The following GNL3L variants were observed in gnomAD, a reference collection of about 807,000 sequenced individuals.
GNL3L encodes the protein guanine nucleotide-binding protein-like 3-like protein.
A neutral mutation model predicts 42.9 loss-of-function variants in GNL3L; 4 were observed. That is an observed-to-expected ratio of 0.09 (90% CI 0.05 to 0.21). The LOEUF (loss-of-function observed/expected upper bound fraction) is 0.21, where lower values mean the gene tolerates loss of function less well. Ranked by LOEUF, GNL3L falls within the 10% of genes least tolerant of loss-of-function variation. GNL3L has a pLI of 1.00. For missense variants in GNL3L, 412 were observed against 481.7 expected, an observed-to-expected ratio of 0.86 and a Z score of 1.36; for synonymous variants, 159 against 176.3, an observed-to-expected ratio of 0.90 and a Z score of 0.78.
Position 54,544,356 on chromosome X carries a change from C to T in GNL3L, c.630+30C>T, listed in dbSNP as rs772210901. 7 of 809,911 alleles carry T rather than the reference C, an allele frequency of 8.6e-6. No individual in the cohort carries two copies. The South Asian group carries it at 1.5e-4, about 18-fold the overall frequency. 66.7% of individuals were successfully genotyped at this position (809,911 alleles called of 1,213,427 possible). ...GCCTGGGGCTAGGGTCATCTAGCCG[C>T]TTTCAGGGTAGTTTGGGGCCAGAGC... On this transcript the variant is annotated intron_variant, in intron 8 of 15. Transcript: ENST00000360845.
chrX:54,606,980 TCTTTC>T (rs1557200453), intron 16 of GNL3L, among the ~76,000 whole-genome samples: 1 of 84,203 alleles, frequency 1.2e-5, no homozygotes, highest in African/African-American at 7.6e-5. Context: ...GATTTTTCTT[TCTTTC>T]CTTTCCTTTC....
intron 16 of GNL3L, among the ~76,000 whole-genome samples, chrX:54,592,488 A>G (rs188834466): frequency 1.8e-5 from 2 of 111,703 alleles, no homozygotes; most frequent in Non-Finnish European, 3.8e-5. Context: ...TGTTCCTTCT[A>G]TACCCAATTT....
At chrX:54,540,557 A>G (rs1450209653) in intron 4 of GNL3L, among the ~76,000 whole-genome samples, 1 of 111,983 alleles carries the variant, frequency 8.9e-6, no homozygotes, top group African/African-American at 3.2e-5. Context: ...ATTTGAGGCT[A>G]TGCTTTCTTT....
Position 54,562,719 on chromosome X carries a change from G to A in GNL3L, c.*2117G>A, listed in dbSNP as rs1925306782. On this transcript the variant is annotated 3_prime_UTR_variant, in exon 16 of 16. Transcript: ENST00000360845. Reference sequence around the variant, plus strand: ...GAGGCAGGAGAATCACTTGATCTCAGGAGGCGGAGGTTGCAGTGAGTCGAC... The same window carrying A: ...GAGGCAGGAGAATCACTTGATCTCAAGAGGCGGAGGTTGCAGTGAGTCGAC... Among the ~76,000 whole-genome samples the A allele has an allele frequency of 5.5e-5, 6 of 109,953 alleles. No homozygotes were observed. The South Asian group carries it at 2.4e-3, about 44-fold the overall frequency.
chrX:54,580,448 C>T (rs894434328), intron 16 of GNL3L, among the ~76,000 whole-genome samples: 1 of 110,353 alleles, frequency 9.1e-6, no homozygotes, highest in Non-Finnish European at 1.9e-5. Flanking sequence ...TGAATAGTGC[C>T]GCAATAAACA....
At chrX:54,569,762 T>C (rs973387296), downstream of GNL3L, among the ~76,000 whole-genome samples, 3 of 112,313 alleles carry the variant, frequency 2.7e-5, no homozygotes, top group Non-Finnish European at 3.8e-5. Context: ...CATTGGTTTC[T>C]GCTTTATCTT....
intron 2 of GNL3L, among the ~76,000 whole-genome samples, chrX:54,536,265 T>C (rs1447201926): frequency 9.2e-6 from 1 of 108,371 alleles, no homozygotes; most frequent in Admixed American, 9.9e-5. Context: ...TTAGTAGAGA[T>C]GGGGTTTCAC....
Position 54,548,479 on chromosome X carries a change from A to T in GNL3L, c.775+106A>T. 4 of 634,743 alleles carry T rather than the reference A, an allele frequency of 6.3e-6. No homozygotes were observed. Among genetic ancestry groups the T allele is most frequent in the Non-Finnish European group, 9.8e-6 (4 of 408,761 alleles). The allele number at this position is 634,743 out of a possible 1,213,427, so 52.3% of individuals were successfully genotyped here. A position where few individuals can be genotyped will look rare whatever the true frequency, so the allele number is the denominator to read the frequency against. On this transcript the variant is annotated intron_variant, in intron 9 of 15. Transcript: ENST00000360845. ...TCATTGTCTTTTGCGGGGAGAGAGG[A>T]GTGGTTCAGGAGAAGGGTTTCGTGA...
rs1243310988 is a variant in GNL3L, at chrX:54,532,542, C to T, written c.-25C>T. The T allele has an allele frequency of 2.5e-6, 3 of 1,176,801 alleles. No individual in the cohort carries two copies. Among genetic ancestry groups the T allele is most frequent in the Admixed American group, 4.3e-5 (2 of 45,991 alleles). On this transcript the variant is annotated 5_prime_UTR_variant, in exon 2 of 16. Coordinates refer to ENST00000360845, the MANE Select transcript of GNL3L (RefSeq NM_001184819.2). The stretch of plus-strand genomic sequence containing the variant: ...CAGGAAGAGAGCAAGCAGATTTGAA[C>T]CTATCTGCTTTCAAGCTGGTCATCA...
intron 16 of GNL3L, among the ~76,000 whole-genome samples, chrX:54,585,861 A>G (rs1925777108): frequency 1.8e-5 from 2 of 109,859 alleles, no homozygotes; most frequent in South Asian, 3.8e-4. Context: ...TTTTTTGTCA[A>G]TGTAGGTATT....
At position 54,563,632 on chromosome X, in the gene GNL3L, A is replaced by G. The variant is rs1387986529; in HGVS notation, c.*3030A>G. Among the ~76,000 whole-genome samples, 1 of 110,529 alleles carries G rather than the reference A, an allele frequency of 9.0e-6. No individual in the cohort carries two copies. The highest frequency in any genetic ancestry group is 1.9e-5 in the Non-Finnish European group (1 of 52,899). On this transcript the variant is annotated 3_prime_UTR_variant, in exon 16 of 16. Transcript: ENST00000360845. ...AACCTCATCTCTACCAAAAAAATAC[A>G]AAGATTAGCTGGGCATGGTGTCTCA...
At chrX:54,573,854 CT>C (rs59536536) in intron 16 of GNL3L, among the ~76,000 whole-genome samples, 7,426 of 91,589 alleles carry the variant, frequency 0.081, 415 homozygotes, top group East Asian at 0.43. Context: ...TATTTTTCTG[CT>C]TTTTTTTTTT....
At chrX:54,536,784 CAA>C (rs767387515) in intron 2 of GNL3L, among the ~76,000 whole-genome samples, 2 of 37,139 alleles carry the variant, frequency 5.4e-5, no homozygotes, top group Non-Finnish European at 1.1e-4. Flanking sequence ...GACTTTGTCT[CAA>C]AAAAAAAAAA....
chrX:54,551,114 A>T lies in GNL3L; in HGVS notation c.863+64A>T. ...ACCCTACCATTTCCCCCCAACTCCC[A>T]TGCCTTCAGCCCCTGTCCCTTTCCT... On this transcript the variant is annotated intron_variant, in intron 10 of 15. Coordinates refer to ENST00000360845, the MANE Select transcript of GNL3L (RefSeq NM_001184819.2). 2.6e-5 allele frequency: 16 copies of T among 625,537 alleles called. No individual in the cohort carries two copies. The South Asian group carries it at 3.7e-4, about 14-fold the overall frequency. 51.6% of individuals were successfully genotyped at this position (625,537 alleles called of 1,213,427 possible).
chrX:54,614,316 A>G (rs1286549589), intron 16 of GNL3L, among the ~76,000 whole-genome samples: 1 of 111,360 alleles, frequency 9.0e-6, no homozygotes, highest in African/African-American at 3.3e-5. Context: ...AGGACATGAC[A>G]GGCTTGAAAA....
intron 2 of GNL3L, 59 bp from the exon 3 acceptor site, chrX:54,538,981 G>T: frequency 1.4e-6 from 1 of 710,222 alleles, no homozygotes. Flanking sequence ...TGATTCAGAT[G>T]TCAACAAATA....
chrX:54,571,552 C>T (rs1925543985), downstream of GNL3L, among the ~76,000 whole-genome samples: 1 of 91,881 alleles, frequency 1.1e-5, no homozygotes, highest in Non-Finnish European at 2.1e-5. Flanking sequence ...TCAGGCTGGT[C>T]TCAAATTCCT....
intron 16 of GNL3L, among the ~76,000 whole-genome samples, chrX:54,609,074 G>A (rs1309483534): frequency 1.8e-5 from 2 of 112,007 alleles, no homozygotes; most frequent in Non-Finnish European, 3.8e-5. Flanking sequence ...GTATCTCATT[G>A]TGGTTTTGAT....
chrX:54,642,545 A>T, the GNL3L span, among the ~76,000 whole-genome samples: 26,336 of 109,202 alleles, frequency 0.24, 2,813 homozygotes, highest in East Asian at 0.53. Context: ...TTAAAAAAAA[A>T]TTTTTTTTCC....
Sources: allele counts gnomAD v4.1 joint callset (sites outside exome capture counted in the v4.1 genomes callset), GRCh38; gene constraint gnomAD v4.1.1; transcripts MANE v1.5; gene names NCBI Gene and HGNC (gene_info 2026-07-23, HGNC 2026-07-21).